The following UBQLN1 variants were observed in gnomAD, a reference collection of about 807,000 sequenced individuals.
UBQLN1 encodes ubiquilin 1.
Under a neutral mutation model 65.4 loss-of-function variants are expected in UBQLN1, and 13 were observed. The ratio of observed to expected loss-of-function variants is 0.20; its 90% confidence interval spans 0.13 to 0.32. UBQLN1 has a LOEUF of 0.32. UBQLN1 is among the 10% of genes least tolerant of loss of function. The pLI is 1.00. For synonymous variants in UBQLN1, 267 were observed against 247.8 expected (o/e 1.08, Z -0.73); for missense variants, 561 against 724.0 (o/e 0.77, Z 2.58).
At chr9:83,664,110 T>TC in intron 9 of UBQLN1, 67 bp from the exon 10 acceptor site, 23 of 1,520,302 alleles carry the variant, frequency 1.5e-5, no homozygotes, top group East Asian at 2.3e-5. Context: ...CGTAAATCAG[T>TC]TACATTTTAA....
intron 1 of UBQLN1, among the ~76,000 whole-genome samples, chr9:83,697,562 A>AAC (rs1323541639): frequency 3.5e-5 from 5 of 144,902 alleles, no homozygotes; most frequent in Non-Finnish European, 7.6e-5. Flanking sequence ...AAAAAAAAAA[A>AAC]AAAAAAAAAA....
In UBQLN1 at chr9:83,669,053, A is replaced by G. The variant is rs987871581; in HGVS notation, c.1248+132T>C. 1.1e-5 allele frequency: 12 copies of G among 1,056,346 alleles called. No homozygotes were observed. The African/African-American group carries it at 1.8e-4, about 16-fold the overall frequency. The allele number at this position is 1,056,346 out of a possible 1,614,324, so 65.4% of individuals were successfully genotyped here. A position where few individuals can be genotyped will look rare whatever the true frequency, so the allele number is the denominator to read the frequency against. Reference sequence around the variant, plus strand: ...AGAAACACACGGTCTAAAAAATTGGAGACACAGTTTACTTATTTTTCTAGT... The same window carrying G: ...AGAAACACACGGTCTAAAAAATTGGGGACACAGTTTACTTATTTTTCTAGT... On this transcript the variant is annotated intron_variant, in intron 7 of 10. Transcript: ENST00000376395.
At chr9:83,665,190 G>C in intron 8 of UBQLN1, 45 bp from the exon 9 acceptor site, 1 of 1,431,220 alleles carries the variant, frequency 7.0e-7, no homozygotes, top group Non-Finnish European at 9.7e-7. Flanking sequence ...ATTAAAATCA[G>C]TGAACGTAAA....
At chr9:83,670,183 T>TA (rs982067928) in intron 6 of UBQLN1, among the ~76,000 whole-genome samples, 2 of 152,080 alleles carry the variant, frequency 1.3e-5, no homozygotes, top group African/African-American at 4.8e-5. Context: ...GCCAACTAGA[T>TA]ACACTCAAAC....
At chr9:83,705,747 T>C (rs868296998) in intron 1 of UBQLN1, among the ~76,000 whole-genome samples, 1 of 151,992 alleles carries the variant, frequency 6.6e-6, no homozygotes, top group Admixed American at 6.6e-5. Context: ...GGTATACACA[T>C]ACAGTGGAAA....
At chr9:83,701,017 C>T (rs1396225825) in intron 1 of UBQLN1, among the ~76,000 whole-genome samples, 5 of 152,096 alleles carry the variant, frequency 3.3e-5, no homozygotes, top group Non-Finnish European at 7.4e-5. Context: ...GAGGTAATGG[C>T]AACTTATTGG....
chr9:83,678,668 T>C lies in UBQLN1; in HGVS notation c.712-69A>G, dbSNP rs1344480579. The C allele has an allele frequency of 3.4e-6, 5 of 1,466,580 alleles. No individual in the cohort carries two copies. In the African/African-American group the frequency reaches 7.1e-5, roughly 21 times the overall value. The allele number at this position is 1,466,580 out of a possible 1,614,324, so 90.8% of individuals were successfully genotyped here. ...AATACACATGAATTACATTAATTAC[T>C]TTATTAACTGCCATTAAACAAAGTT... On this transcript the variant is annotated intron_variant, in intron 4 of 10. Transcript: ENST00000376395.
chr9:83,693,899 T>C (rs1832167326), intron 1 of UBQLN1, among the ~76,000 whole-genome samples: 1 of 152,222 alleles, frequency 6.6e-6, no homozygotes, highest in Non-Finnish European at 1.5e-5. Flanking sequence ...GGAATAGAGA[T>C]ACTTATTCTG....
intron 1 of UBQLN1, among the ~76,000 whole-genome samples, chr9:83,701,259 CTA>C (rs1832305367): frequency 6.6e-6 from 1 of 151,872 alleles, no homozygotes; most frequent in South Asian, 2.1e-4. Flanking sequence ...TGAAAAATAA[CTA>C]TTTTCTCAGT....
chr9:83,707,204 G>A (rs554977714), intron 1 of UBQLN1, among the ~76,000 whole-genome samples: 1 of 152,226 alleles, frequency 6.6e-6, no homozygotes, highest in South Asian at 2.1e-4. Flanking sequence ...GAGGGGAGGC[G>A]ACGGAGGGCG....
intron 5 of UBQLN1, among the ~76,000 whole-genome samples, chr9:83,678,205 T>C (rs934523511): frequency 1.3e-5 from 2 of 152,056 alleles, no homozygotes; most frequent in African/African-American, 4.8e-5. Context: ...GTATTTTTAG[T>C]AGAGACGGGA....
At chr9:83,705,973 G>T (rs544552333) in intron 1 of UBQLN1, among the ~76,000 whole-genome samples, 124 of 151,880 alleles carry the variant, frequency 8.2e-4, no homozygotes, top group Non-Finnish European at 1.3e-3. Flanking sequence ...GAAAGGCCAA[G>T]TGACTGAAAT....
intron 1 of UBQLN1, among the ~76,000 whole-genome samples, chr9:83,692,153 T>C (rs1587657474): frequency 6.6e-6 from 1 of 152,366 alleles, no homozygotes; most frequent in East Asian, 1.9e-4. Context: ...AGTTTAATTG[T>C]ACCGTGCCAG....
At chr9:83,679,163 C>G (rs1044525403) in intron 4 of UBQLN1, among the ~76,000 whole-genome samples, 2 of 152,228 alleles carry the variant, frequency 1.3e-5, no homozygotes, top group Non-Finnish European at 2.9e-5. Flanking sequence ...CCATAGTAAG[C>G]TGCAGTCAAC....
rs57550660 is a variant in UBQLN1, at chr9:83,705,246, CT to C, written c.180+2253del. Among the ~76,000 whole-genome samples, 42 of 129,440 alleles carry C rather than the reference CT, an allele frequency of 3.2e-4. 3 individuals carry two copies. The highest frequency in any genetic ancestry group is 6.5e-4 in the African/African-American group (21 of 32,192). The allele number at this position is 129,440 out of a possible 152,430, so 84.9% of individuals were successfully genotyped here. A position where few individuals can be genotyped will look rare whatever the true frequency, so the allele number is the denominator to read the frequency against. ...ATATGTGCTGCTGAAGCCAGCACTC[CT>C]TTTTTTTTTTGAAACGGAGTTTCAC... On this transcript the variant is annotated intron_variant, in intron 1 of 10. Transcript: ENST00000376395.
At chr9:83,662,405 A>T (rs1831576044) in intron 10 of UBQLN1, among the ~76,000 whole-genome samples, 1 of 152,140 alleles carries the variant, frequency 6.6e-6, no homozygotes, top group African/African-American at 2.4e-5. Context: ...CTAAAGCTTC[A>T]ATGATTCTTC....
intron 1 of UBQLN1, among the ~76,000 whole-genome samples, chr9:83,705,099 C>T (rs577467630): frequency 2.6e-5 from 4 of 152,076 alleles, no homozygotes; most frequent in East Asian, 3.8e-4. Flanking sequence ...GCTACACACC[C>T]GCTAAAATAG....
Position 83,707,878 on chromosome 9 carries a change from T to G in UBQLN1, c.-199A>C. The G allele has an allele frequency of 2.8e-6, 2 of 726,920 alleles. No homozygotes were observed. The highest frequency in any genetic ancestry group is 4.1e-6 in the Non-Finnish European group (2 of 487,372). 45.0% of individuals were successfully genotyped at this position (726,920 alleles called of 1,614,324 possible). A position where few individuals can be genotyped will look rare whatever the true frequency, so the allele number is the denominator to read the frequency against. Reference sequence around the variant, plus strand: ...GTGCAGGCTCTGGCGCAGGCCCGGGTCAGGCGCTCGGCAGCCGCCGTGTGT... The same window carrying G: ...GTGCAGGCTCTGGCGCAGGCCCGGGGCAGGCGCTCGGCAGCCGCCGTGTGT... On this transcript the variant is annotated 5_prime_UTR_variant, in exon 1 of 11. Coordinates refer to ENST00000376395, the MANE Select transcript of UBQLN1 (RefSeq NM_013438.5).
intron 6 of UBQLN1, among the ~76,000 whole-genome samples, chr9:83,673,063 C>G (rs1194730210): frequency 3.3e-5 from 5 of 152,114 alleles, no homozygotes; most frequent in Non-Finnish European, 7.4e-5. Flanking sequence ...AACCCCGTCT[C>G]CACTAAAGAT....
Sources: allele counts gnomAD v4.1 joint callset (sites outside exome capture counted in the v4.1 genomes callset), GRCh38; gene constraint gnomAD v4.1.1; transcripts MANE v1.5; gene names NCBI Gene and HGNC (gene_info 2026-07-23, HGNC 2026-07-21).